The following SKAP1 variants were observed in gnomAD, a reference collection of about 807,000 sequenced individuals.
The protein encoded by SKAP1 is src kinase associated phosphoprotein 1, also known as src kinase-associated phosphoprotein 1.
Under a neutral mutation model 58.5 loss-of-function variants are expected in SKAP1, and 44 were observed. That is an observed-to-expected ratio of 0.75 (90% CI 0.59 to 0.97). SKAP1 has a LOEUF of 0.97. Ranked by LOEUF, SKAP1 falls within the 50% of genes least tolerant of loss-of-function variation. The pLI, the probability that SKAP1 is intolerant of heterozygous loss-of-function variation, is 0.00. For missense variants in SKAP1, 390 were observed against 435.2 expected, an observed-to-expected ratio of 0.90 and a Z score of 0.92; for synonymous variants, 127 against 149.7, an observed-to-expected ratio of 0.85 and a Z score of 1.11.
intron 11 of SKAP1, among the ~76,000 whole-genome samples, chr17:48,142,913 C>CG (rs1054997602): frequency 1.3e-5 from 2 of 151,918 alleles, no homozygotes; most frequent in African/African-American, 4.8e-5. Flanking sequence ...GTGATCCTCC[C>CG]GCTTCAGCCT....
At chr17:48,349,148 A>G (rs911941553) in intron 3 of SKAP1, among the ~76,000 whole-genome samples, 6 of 152,352 alleles carry the variant, frequency 3.9e-5, no homozygotes, top group African/African-American at 1.4e-4. Flanking sequence ...GCATGGGTGA[A>G]AAGTTTTATA....
intron 4 of SKAP1, among the ~76,000 whole-genome samples, chr17:48,323,279 G>A (rs1356656070): frequency 1.3e-5 from 2 of 151,384 alleles, no homozygotes; most frequent in African/African-American, 4.9e-5. Context: ...TCAGAAGAGT[G>A]TATCAATCAC....
intron 4 of SKAP1, among the ~76,000 whole-genome samples, chr17:48,247,150 C>T (rs1010193274): frequency 6.6e-6 from 1 of 152,172 alleles, no homozygotes; most frequent in Non-Finnish European, 1.5e-5. Flanking sequence ...TTACAAAAGT[C>T]TCTGTGTACT....
intron 4 of SKAP1, among the ~76,000 whole-genome samples, chr17:48,204,838 A>G (rs1471423006): frequency 6.6e-6 from 1 of 152,166 alleles, no homozygotes; most frequent in Non-Finnish European, 1.5e-5. Flanking sequence ...CACATCCCAC[A>G]TTACCAAAGC....
In SKAP1 at chr17:48,259,937, AAGG is replaced by A. The variant is rs767837326; in HGVS notation, c.281-70440_281-70438del. On this transcript the variant is annotated intron_variant, in intron 4 of 12. Transcript: ENST00000336915. ...TGGCCCTTCTCAGTTGGAAATGTAA[AAGG>A]AGGAGGAAGCTTCCTTAAAAACAAG... is the stretch of plus-strand genomic sequence containing the variant. Among the ~76,000 whole-genome samples the A allele has an allele frequency of 6.6e-5, 10 of 152,270 alleles. No homozygotes were observed. In the East Asian group the frequency reaches 7.7e-4, roughly 12 times the overall value.
intron 4 of SKAP1, among the ~76,000 whole-genome samples, chr17:48,198,210 C>CTA (rs1165186652): frequency 6.6e-6 from 1 of 151,970 alleles, no homozygotes; most frequent in Non-Finnish European, 1.5e-5. Context: ...AATCCTAGCA[C>CTA]TTTGGGAGGC....
intron 4 of SKAP1, among the ~76,000 whole-genome samples, chr17:48,197,257 CAAAA>C (rs35979686): frequency 1.0e-5 from 1 of 97,610 alleles, no homozygotes; most frequent in Non-Finnish European, 2.0e-5. Flanking sequence ...GACTCCGACT[CAAAA>C]AAAAAAAAAA....
In SKAP1 at chr17:48,271,893, C is replaced by CT. The variant is rs534807137; in HGVS notation, c.280+74011dup. Among the ~76,000 whole-genome samples, 5 of 152,154 alleles carry CT rather than the reference C, an allele frequency of 3.3e-5. No individual in the cohort carries two copies. In the South Asian group the frequency reaches 8.3e-4, roughly 25 times the overall value. On this transcript the variant is annotated intron_variant, in intron 4 of 12. Coordinates refer to ENST00000336915, the MANE Select transcript of SKAP1 (RefSeq NM_003726.4). ...AAGTGTTGCTTTTTATCTATTGCTA[C>CT]TTTATCAATTTATGTTTTGACTTCC...
chr17:48,206,644 T>C (rs2064814380), intron 4 of SKAP1, among the ~76,000 whole-genome samples: 1 of 152,114 alleles, frequency 6.6e-6, no homozygotes, highest in African/African-American at 2.4e-5. Context: ...CCTATCATAA[T>C]ATAAAATCAA....
intron 4 of SKAP1, among the ~76,000 whole-genome samples, chr17:48,224,936 A>G (rs1269040726): frequency 6.6e-6 from 1 of 152,184 alleles, no homozygotes; most frequent in Non-Finnish European, 1.5e-5. Flanking sequence ...AGTGTACCAG[A>G]ACACATTAGA....
At chr17:48,294,003 G>T (rs1043884170) in intron 4 of SKAP1, among the ~76,000 whole-genome samples, 3 of 152,172 alleles carry the variant, frequency 2.0e-5, no homozygotes, top group Non-Finnish European at 2.9e-5. Flanking sequence ...ACAAAAATCC[G>T]ATTGGTGCTT....
chr17:48,353,307 T>TA (rs1365814692), intron 3 of SKAP1, among the ~76,000 whole-genome samples: 5 of 152,222 alleles, frequency 3.3e-5, no homozygotes, highest in Admixed American at 6.5e-5. Context: ...CTGGCTTGGT[T>TA]AAAGAATGTG....
intron 1 of SKAP1, among the ~76,000 whole-genome samples, chr17:48,414,974 G>A (rs762141666): frequency 2.0e-5 from 3 of 152,176 alleles, no homozygotes; most frequent in Non-Finnish European, 4.4e-5. Context: ...GATTAAGGTT[G>A]CCTCCTGTTT....
At chr17:48,363,708 G>A (rs1474995165) in intron 3 of SKAP1, 81 bp downstream of exon 3, 1 of 1,236,148 alleles carries the variant, frequency 8.1e-7, no homozygotes, top group Non-Finnish European at 1.2e-6. Flanking sequence ...CTGTGGAGAA[G>A]CTTGTAGAGA....
At chr17:48,346,199 C>T (rs551879435) in intron 3 of SKAP1, among the ~76,000 whole-genome samples, 193 bp from the exon 4 acceptor site, 53 of 152,126 alleles carry the variant, frequency 3.5e-4, no homozygotes, top group Admixed American at 4.6e-4. Flanking sequence ...AACTGACTTA[C>T]CTGGATGAAA....
At chr17:48,260,172 A>G (rs1481177446) in intron 4 of SKAP1, among the ~76,000 whole-genome samples, 1 of 152,164 alleles carries the variant, frequency 6.6e-6, no homozygotes, top group Non-Finnish European at 1.5e-5. Context: ...CCACAAATCT[A>G]AAAGAAATAA....
chr17:48,337,699 T>C (rs909173272), intron 4 of SKAP1, among the ~76,000 whole-genome samples: 6 of 152,220 alleles, frequency 3.9e-5, no homozygotes, highest in Non-Finnish European at 2.9e-5. Flanking sequence ...CTTTATAAAC[T>C]ATACCACTTC....
At chr17:48,396,878 GTAAC>G in intron 1 of SKAP1, 93 bp from the exon 2 acceptor site, 1 of 832,682 alleles carries the variant, frequency 1.2e-6, no homozygotes, top group Non-Finnish European at 2.0e-6. Flanking sequence ...GTATACATAT[GTAAC>G]TAACCTGCAC....
chr17:48,293,552 G>A (rs2065924760), intron 4 of SKAP1, among the ~76,000 whole-genome samples: 1 of 152,152 alleles, frequency 6.6e-6, no homozygotes, highest in Non-Finnish European at 1.5e-5. Flanking sequence ...TGTCCCACAC[G>A]GGCTTGCTTG....
Sources: allele counts gnomAD v4.1 joint callset (sites outside exome capture counted in the v4.1 genomes callset), GRCh38; gene constraint gnomAD v4.1.1; transcripts MANE v1.5; gene names NCBI Gene and HGNC (gene_info 2026-07-23, HGNC 2026-07-21).